Variants in HERC4 observed in about 807,000 individuals in gnomAD.
HERC4 encodes the protein HECT and RLD domain containing E3 ubiquitin protein ligase 4, also known as probable E3 ubiquitin-protein ligase HERC4.
A neutral mutation model predicts 124.3 loss-of-function variants in HERC4; 28 were observed. That is an observed-to-expected ratio of 0.23 (90% confidence interval 0.17 to 0.31). The LOEUF (loss-of-function observed/expected upper bound fraction) is 0.31. Among genes scored for constraint, HERC4 ranks in the 10% least tolerant of loss-of-function variants. The pLI is 1.00. For missense variants in HERC4, 713 were observed against 1,229.3 expected, an observed-to-expected ratio of 0.58 and a Z score of 6.28; for synonymous variants, 407 against 421.5, an observed-to-expected ratio of 0.97 and a Z score of 0.42.
intron 3 of HERC4, among the ~76,000 whole-genome samples, chr10:68,071,789 T>C (rs1206967563): frequency 7.9e-5 from 12 of 152,158 alleles, no homozygotes; most frequent in Admixed American, 7.2e-4. Context: ...GTCACTATCA[T>C]TTATCCAATA....
chr10:67,988,348 C>T (rs906234589), intron 15 of HERC4, among the ~76,000 whole-genome samples: 2 of 152,052 alleles, frequency 1.3e-5, no homozygotes, highest in African/African-American at 4.8e-5. Context: ...CTAACAAAAA[C>T]CATATAATGC....
In HERC4 at chr10:68,018,269, G is replaced by GA. The variant is rs11298676; in HGVS notation, c.909-4084dup. On this transcript the variant is annotated intron_variant, in intron 8 of 24. Coordinates refer to ENST00000373700, the MANE Select transcript of HERC4 (RefSeq NM_015601.4). ...AATATGCCATGTTAACAGATTAAAGGAAAAAAAAATCATAAATCATTTCAA... is the reference window on the plus strand; with the variant it reads ...AATATGCCATGTTAACAGATTAAAGGAAAAAAAAAATCATAAATCATTTCAA... 8.5e-3 allele frequency among the ~76,000 whole-genome samples: 1,269 copies of GA among 148,440 alleles called. 18 individuals are homozygous for GA. Among genetic ancestry groups the GA allele is most frequent in the African/African-American group, 0.03 (1,210 of 40,478 alleles).
chr10:67,956,894 G>GCATC lies in HERC4; in HGVS notation c.2005_2008dup (p.Ala670GlyfsTer11). ...ATATTTTACCTGCATCTGTAAGACT[G>GCATC]CATCGGTCTGTAACAGAGTAGTTTT... On this transcript the variant is annotated frameshift_variant, in exon 17 of 25. Transcript: ENST00000373700. LOFTEE classifies it high-confidence loss of function. The GCATC allele has an allele frequency of 6.3e-7, 1 of 1,579,814 alleles. No homozygotes were observed. The highest frequency in any genetic ancestry group is 8.6e-7 in the Non-Finnish European group (1 of 1,163,718).
chr10:67,986,778 T>C (rs1259507109), intron 15 of HERC4, among the ~76,000 whole-genome samples: 1 of 152,126 alleles, frequency 6.6e-6, no homozygotes, highest in Non-Finnish European at 1.5e-5. Flanking sequence ...AAAATCACAG[T>C]GGTAGGAAGC....
intron 4 of HERC4, chr10:68,039,598 G>A: frequency 6.7e-7 from 1 of 1,487,192 alleles, no homozygotes; most frequent in Non-Finnish European, 8.9e-7. Context: ...TACAAAACCT[G>A]AGAGCTGTAC....
intron 15 of HERC4, among the ~76,000 whole-genome samples, chr10:67,974,686 A>G (rs764301983): frequency 1.3e-4 from 20 of 152,180 alleles, no homozygotes; most frequent in Non-Finnish European, 2.4e-4. Flanking sequence ...GCTTATTGTT[A>G]ATTTTTCGTA....
chr10:67,969,532 G>A (rs1564979018), intron 15 of HERC4, among the ~76,000 whole-genome samples: 2 of 152,104 alleles, frequency 1.3e-5, no homozygotes, highest in African/African-American at 4.8e-5. Context: ...GGAATTAGCT[G>A]CCACATGAGA....
At chr10:68,032,420 G>A (rs1282180037) in intron 7 of HERC4, among the ~76,000 whole-genome samples, 2 of 152,140 alleles carry the variant, frequency 1.3e-5, no homozygotes, top group Non-Finnish European at 2.9e-5. Context: ...AAATTAGGCT[G>A]AGCTACACGA....
At chr10:67,930,833 C>T (rs1305750858) in intron 23 of HERC4, among the ~76,000 whole-genome samples, 1 of 152,164 alleles carries the variant, frequency 6.6e-6, no homozygotes, top group East Asian at 1.9e-4. Context: ...GAGTGTGCCA[C>T]CACACCTGGC....
Position 67,955,027 on chromosome 10 carries a change from A to C in HERC4, c.2129T>G (p.Ile710Ser). ...CLILVVRRENIVGDAMEVLRK... is the reference protein window; with the variant it reads ...CLILVVRRENSVGDAMEVLRK... ...AAGGACTTCCATTGCATCTCCTACA[A>C]TATTTTCTCTACGCACCACTAGAAT... is the stretch of plus-strand genomic sequence containing the variant. The change falls in exon 18 of 25, where the codon ATT (isoleucine) becomes AGT (serine). Residue 710 changes from isoleucine to serine, a missense_variant. Physicochemically the swap from Ile to Ser is moderately radical, Grantham distance 142 (BLOSUM62 -2). Coordinates refer to ENST00000373700, the MANE Select transcript of HERC4 (RefSeq NM_015601.4). 6.2e-7 allele frequency: 1 copy of C among 1,600,038 alleles called. No homozygotes were observed. Among genetic ancestry groups the C allele is most frequent in the Non-Finnish European group, 8.5e-7 (1 of 1,175,334 alleles).
intron 3 of HERC4, among the ~76,000 whole-genome samples, chr10:68,052,703 A>C (rs988305383): frequency 6.6e-6 from 1 of 152,214 alleles, no homozygotes; most frequent in Non-Finnish European, 1.5e-5. Flanking sequence ...ATTCATATAG[A>C]GTATCATCAA....
chr10:68,018,993 CTTTTT>C (rs35817479), intron 8 of HERC4, among the ~76,000 whole-genome samples: 1 of 88,014 alleles, frequency 1.1e-5, no homozygotes, highest in Admixed American at 1.4e-4. Context: ...AGCATTCTTT[CTTTTT>C]TTTTTTTTTT....
intron 3 of HERC4, among the ~76,000 whole-genome samples, chr10:68,060,331 G>A (rs184963853): frequency 4.2e-4 from 64 of 152,070 alleles, no homozygotes; most frequent in African/African-American, 6.7e-4. Flanking sequence ...TCTGCTTCCC[G>A]GGTTCAAGCA....
At chr10:67,996,252 G>A in intron 9 of HERC4, 1 of 345,678 alleles carries the variant, frequency 2.9e-6, no homozygotes. Flanking sequence ...AGCCTGGGCA[G>A]CCTTCTTCTT....
At position 67,926,174 on chromosome 10, in the gene HERC4, C is replaced by T. The variant is rs192193769; in HGVS notation, c.2839-987G>A. On this transcript the variant is annotated intron_variant, in intron 23 of 24. Transcript: ENST00000373700. ...CTTTGGGTGTCCAAGCCGGGCAGAT[C>T]ACTTGAGGTCAGGAGTTCCAGACCA... 1.1e-3 allele frequency among the ~76,000 whole-genome samples: 160 copies of T among 152,260 alleles called. 2 individuals carry two copies. Among genetic ancestry groups the T allele is most frequent in the Admixed American group, 9.4e-3 (143 of 15,286 alleles).
At chr10:67,931,043 T>G (rs2132026293) in intron 23 of HERC4, among the ~76,000 whole-genome samples, 1 of 152,214 alleles carries the variant, frequency 6.6e-6, no homozygotes, top group South Asian at 2.1e-4. Context: ...TGGAGTGCAG[T>G]GGCGCAATCT....
chr10:67,993,591 T>G (rs925806488), intron 9 of HERC4: 1 of 152,034 alleles, frequency 6.6e-6, no homozygotes, highest in African/African-American at 2.4e-5. Context: ...GAGTAAATAT[T>G]TCATAATGCA....
At position 67,963,993 on chromosome 10, in the gene HERC4, G is replaced by A. The variant is rs554089500; in HGVS notation, c.1926+2690C>T. On this transcript the variant is annotated intron_variant, in intron 16 of 24. Coordinates refer to ENST00000373700, the MANE Select transcript of HERC4 (RefSeq NM_015601.4). ...GGAAGAGTTTGAGAAGCTTTACCTA[G>A]GTCAGAGATGAAGAAAAAAGGAAAT... 2.8e-5 allele frequency among the ~76,000 whole-genome samples: 3 copies of A among 106,300 alleles called. No homozygotes were observed. The Admixed American group carries it at 2.8e-4, about 10-fold the overall frequency. 69.7% of individuals were successfully genotyped at this position (106,300 alleles called of 152,430 possible). A position where few individuals can be genotyped will look rare whatever the true frequency, so the allele number is the denominator to read the frequency against.
chr10:67,936,292 T>C, intron 21 of HERC4, 57 bp from the exon 22 acceptor site: 1 of 930,502 alleles, frequency 1.1e-6, no homozygotes, highest in Non-Finnish European at 1.6e-6. Context: ...TATAATAATC[T>C]ATTATTATAT....
Sources: allele counts gnomAD v4.1 joint callset (sites outside exome capture counted in the v4.1 genomes callset), GRCh38; gene constraint gnomAD v4.1.1; transcripts MANE v1.5; gene names NCBI Gene and HGNC (gene_info 2026-07-23, HGNC 2026-07-21).